DTD1: variants seen among roughly 807,000 people sequenced by gnomAD.
The protein encoded by DTD1 is D-aminoacyl-tRNA deacylase 1.
A neutral mutation model predicts 25.6 loss-of-function variants in DTD1; 13 were observed. The ratio of observed to expected loss-of-function variants is 0.51; its 90% CI spans 0.33 to 0.81. DTD1 has a LOEUF of 0.81. Ranked by LOEUF, DTD1 falls within the 30% of genes least tolerant of loss-of-function variation. The pLI, the probability that DTD1 is intolerant of heterozygous loss-of-function variation, is 0.02. For missense variants in DTD1, 193 were observed against 266.4 expected (o/e 0.72, Z 1.92); for synonymous variants, 110 against 103.6 (o/e 1.06, Z -0.37).
chr20:18,631,088 C>G, intron 4 of DTD1: 3 of 985,460 alleles, frequency 3.0e-6, no homozygotes, highest in Non-Finnish European at 3.6e-6. Context: ...TCACAGCAGA[C>G]AGCTCTCTCT....
chr20:18,655,992 A>G (rs2122362470), intron 4 of DTD1, among the ~76,000 whole-genome samples: 1 of 152,042 alleles, frequency 6.6e-6, no homozygotes, highest in Non-Finnish European at 1.5e-5. Context: ...GCTGGTCTTG[A>G]ACTCCCGACC....
chr20:18,617,831 C>CA (rs2060715235), intron 3 of DTD1, among the ~76,000 whole-genome samples: 1 of 152,104 alleles, frequency 6.6e-6, no homozygotes, highest in Non-Finnish European at 1.5e-5. Context: ...AAAAAATTCA[C>CA]AGTGTGTCCT....
chr20:18,737,033 T>C (rs2122511967), intron 4 of DTD1, among the ~76,000 whole-genome samples: 1 of 152,274 alleles, frequency 6.6e-6, no homozygotes, highest in South Asian at 2.1e-4. Flanking sequence ...AAGTCTCTGA[T>C]GATGATTTTC....
intron 5 of DTD1, among the ~76,000 whole-genome samples, chr20:18,760,034 T>C (rs1394283626): frequency 1.3e-5 from 2 of 152,262 alleles, no homozygotes. Context: ...AATTGGCTAT[T>C]GAGGCTTATG....
chr20:18,730,450 C>G (rs539210230), intron 4 of DTD1, among the ~76,000 whole-genome samples: 1 of 152,262 alleles, frequency 6.6e-6, no homozygotes, highest in East Asian at 1.9e-4. Context: ...TTCCTCAAAC[C>G]CTTGCAAAGG....
chr20:18,622,293 C>T (rs969582922), intron 3 of DTD1, among the ~76,000 whole-genome samples: 23 of 151,982 alleles, frequency 1.5e-4, no homozygotes, highest in African/African-American at 3.6e-4. Context: ...TCCATGTGTT[C>T]TCATTGTTCA....
intron 4 of DTD1, among the ~76,000 whole-genome samples, chr20:18,736,585 G>T (rs564152564): frequency 1.3e-5 from 2 of 152,198 alleles, no homozygotes; most frequent in Admixed American, 6.5e-5. Context: ...GACTCAGGGC[G>T]TGTGCACCTT....
chr20:18,588,729 G>T, intron 1 of DTD1: 1 of 985,276 alleles, frequency 1.0e-6, no homozygotes, highest in Non-Finnish European at 1.2e-6. Context: ...GCGCGGAGGG[G>T]TCGGGATCTA....
intron 4 of DTD1, chr20:18,642,794 GTCT>G (rs1404158282): frequency 1.2e-5 from 2 of 160,164 alleles, no homozygotes; most frequent in South Asian, 1.7e-4. Context: ...CTTGCCCCTG[GTCT>G]TCTTGTTCTA....
chr20:18,683,683 T>G (rs1187573574), intron 4 of DTD1, among the ~76,000 whole-genome samples: 1 of 152,204 alleles, frequency 6.6e-6, no homozygotes, highest in African/African-American at 2.4e-5. Context: ...AATTCAAAGA[T>G]AGCCTGATGC....
intron 4 of DTD1, among the ~76,000 whole-genome samples, chr20:18,721,543 A>C (rs373722164): frequency 2.0e-5 from 3 of 152,128 alleles, no homozygotes; most frequent in East Asian, 3.8e-4. Flanking sequence ...TAGTTTTGTA[A>C]TTGAATTAAT....
At chr20:18,612,338 CAT>C (rs1245485220) in intron 3 of DTD1, among the ~76,000 whole-genome samples, 5 of 152,204 alleles carry the variant, frequency 3.3e-5, no homozygotes, top group Admixed American at 1.3e-4. Context: ...CTGGCCCACA[CAT>C]GTTTATTATT....
chr20:18,608,929 A>T (rs566626307), intron 3 of DTD1, among the ~76,000 whole-genome samples: 3 of 152,188 alleles, frequency 2.0e-5, no homozygotes, highest in African/African-American at 7.2e-5. Context: ...ACTAAATATC[A>T]TCATATTTTA....
chr20:18,717,883 ATTAG>A (rs1369057700), intron 4 of DTD1, among the ~76,000 whole-genome samples: 1 of 152,178 alleles, frequency 6.6e-6, no homozygotes, highest in Non-Finnish European at 1.5e-5. Context: ...ATGTGGAGAA[ATTAG>A]TTAGAATTCT....
chr20:18,610,546 T>A (rs780881267), intron 3 of DTD1, among the ~76,000 whole-genome samples: 10 of 152,232 alleles, frequency 6.6e-5, no homozygotes, highest in South Asian at 4.1e-4. Flanking sequence ...CACAGTTTTT[T>A]AAAAGGATTT....
chr20:18,634,568 A>G (rs2060800239), intron 4 of DTD1, among the ~76,000 whole-genome samples: 1 of 152,140 alleles, frequency 6.6e-6, no homozygotes, highest in Admixed American at 6.5e-5. Context: ...GGAGCTATTA[A>G]TTTTACGCTC....
At chr20:18,588,917 G>T (rs1419560800) in intron 1 of DTD1, 1 of 964,724 alleles carries the variant, frequency 1.0e-6, no homozygotes, top group Non-Finnish European at 1.2e-6. Flanking sequence ...ACATTTAAAT[G>T]ACAAGCTTTA....
chr20:18,730,938 C>CTTT lies in DTD1; in HGVS notation c.478-13161_478-13160insTTT, dbSNP rs2061237477. ...TTGTCCTGTCCTAGTGTTTGGTTGA[C>CTTT]TGAGTTCCTTACTTCTCTTCGTCCA... On this transcript the variant is annotated intron_variant, in intron 4 of 5. Coordinates refer to ENST00000377452, the MANE Select transcript of DTD1 (RefSeq NM_080820.6). 3.3e-5 allele frequency among the ~76,000 whole-genome samples: 5 copies of CTTT among 152,198 alleles called. No homozygotes were observed. The South Asian group carries it at 1.0e-3, about 32-fold the overall frequency.
intron 4 of DTD1, among the ~76,000 whole-genome samples, chr20:18,636,041 A>T (rs2060806091): frequency 6.6e-6 from 1 of 152,208 alleles, no homozygotes; most frequent in Non-Finnish European, 1.5e-5. Context: ...CTCTCAGGAC[A>T]CTAATGGGGT....
Sources: allele counts gnomAD v4.1 joint callset (sites outside exome capture counted in the v4.1 genomes callset), GRCh38; gene constraint gnomAD v4.1.1; transcripts MANE v1.5; gene names NCBI Gene and HGNC (gene_info 2026-07-23, HGNC 2026-07-21).